GPC6: variants seen among roughly 807,000 people sequenced by gnomAD.
The protein encoded by GPC6 is glypican-6.
In GPC6, 14 loss-of-function variants were observed where a neutral mutation model predicts 55.2. The ratio of observed to expected loss-of-function variants is 0.25; its 90% CI spans 0.17 to 0.40. GPC6 has a LOEUF of 0.40. Among genes scored for constraint, GPC6 ranks in the 10% least tolerant of loss-of-function variants. The pLI is 1.00. For synonymous variants in GPC6, 278 were observed against 259.6 expected (o/e 1.07, Z -0.68); for missense variants, 641 against 708.5 (o/e 0.90, Z 1.08).
chr13:93,569,590 G>A (rs1350059274), intron 2 of GPC6, among the ~76,000 whole-genome samples: 2 of 151,892 alleles, frequency 1.3e-5, no homozygotes, highest in African/African-American at 4.8e-5. Flanking sequence ...CTCTATGGTT[G>A]TAGGTCACTG....
At position 93,851,231 on chromosome 13, in the gene GPC6, G is replaced by A. The variant is rs569631934; in HGVS notation, c.711+20686G>A. ...TCAACCTGTTTTGCTGGCAGAGCCA[G>A]ACATCTAAATCTACTATACTATGTT... is the stretch of plus-strand genomic sequence containing the variant. On this transcript the variant is annotated intron_variant, in intron 3 of 8. Transcript: ENST00000377047. 5.0e-4 allele frequency among the ~76,000 whole-genome samples: 76 copies of A among 152,100 alleles called. No individual in the cohort carries two copies. In the Middle Eastern group the frequency reaches 0.017, roughly 34 times the overall value.
At chr13:94,089,027 T>G (rs1270196746) in intron 4 of GPC6, among the ~76,000 whole-genome samples, 2 of 152,088 alleles carry the variant, frequency 1.3e-5, no homozygotes, top group Admixed American at 6.6e-5. Flanking sequence ...GCTTAATCGG[T>G]TTTATGCAGC....
chr13:93,322,584 C>T (rs1233918190), intron 1 of GPC6, among the ~76,000 whole-genome samples: 3 of 151,204 alleles, frequency 2.0e-5, no homozygotes, highest in Non-Finnish European at 3.0e-5. Flanking sequence ...TTACAGGTGC[C>T]CGCCACCATG....
chr13:94,175,203 G>T (rs1344008664), intron 4 of GPC6, among the ~76,000 whole-genome samples: 1 of 152,052 alleles, frequency 6.6e-6, no homozygotes, highest in Non-Finnish European at 1.5e-5. Flanking sequence ...TGCCTCTATT[G>T]CAGGACTGGC....
chr13:93,561,109 A>C (rs1022052026), intron 2 of GPC6, among the ~76,000 whole-genome samples: 3 of 152,188 alleles, frequency 2.0e-5, no homozygotes, highest in Non-Finnish European at 4.4e-5. Flanking sequence ...ATGACTAATG[A>C]TCTTTTTTGT....
chr13:94,128,807 A>G (rs1047423926), intron 4 of GPC6, among the ~76,000 whole-genome samples: 1 of 152,164 alleles, frequency 6.6e-6, no homozygotes, highest in African/African-American at 2.4e-5. Flanking sequence ...ATGTTAGCAT[A>G]TCTTTATTCA....
intron 7 of GPC6, among the ~76,000 whole-genome samples, chr13:94,383,899 T>A (rs1240499923): frequency 6.6e-6 from 1 of 151,938 alleles, no homozygotes; most frequent in Non-Finnish European, 1.5e-5. Context: ...GAGAGAGAAG[T>A]ACAAGTAAAG....
At chr13:93,747,548 T>C (rs1392797028) in intron 2 of GPC6, among the ~76,000 whole-genome samples, 2 of 152,210 alleles carry the variant, frequency 1.3e-5, no homozygotes, top group Non-Finnish European at 2.9e-5. Context: ...ATTCCTCAAA[T>C]GTTCTTCAGG....
chr13:94,171,742 CTTTTCA>C (rs1163940174), intron 4 of GPC6, among the ~76,000 whole-genome samples: 1 of 152,186 alleles, frequency 6.6e-6, no homozygotes, highest in East Asian at 1.9e-4. Context: ...TTTCCTAACA[CTTTTCA>C]TGGCATGTAG....
chr13:93,465,145 T>C (rs1039306834), intron 1 of GPC6, among the ~76,000 whole-genome samples: 4 of 152,228 alleles, frequency 2.6e-5, no homozygotes, highest in African/African-American at 7.2e-5. Context: ...TAGAGCACCA[T>C]CAGAGTACAT....
At chr13:93,685,676 G>A (rs967123336) in intron 2 of GPC6, among the ~76,000 whole-genome samples, 3 of 151,920 alleles carry the variant, frequency 2.0e-5, no homozygotes, top group Non-Finnish European at 4.4e-5. Context: ...GCCTGGAGTC[G>A]CTAGTTGATT....
intron 2 of GPC6, among the ~76,000 whole-genome samples, chr13:93,735,878 T>C (rs1883983416): frequency 6.6e-6 from 1 of 152,238 alleles, no homozygotes; most frequent in Non-Finnish European, 1.5e-5. Flanking sequence ...TAATTAATTC[T>C]GAAAAGTAGG....
At chr13:94,372,691 TC>T (rs1456569073) in intron 6 of GPC6, among the ~76,000 whole-genome samples, 4 of 152,144 alleles carry the variant, frequency 2.6e-5, no homozygotes, top group African/African-American at 9.7e-5. Context: ...GCCTGGAAGC[TC>T]GAACTGGGTG....
chr13:94,148,065 A>G (rs1409110241), intron 4 of GPC6, among the ~76,000 whole-genome samples: 1 of 152,192 alleles, frequency 6.6e-6, no homozygotes, highest in Non-Finnish European at 1.5e-5. Flanking sequence ...ATATATTGCC[A>G]GCTACCCTGC....
Position 93,236,134 on chromosome 13 carries a change from A to C in GPC6, c.160+8518A>C, listed in dbSNP as rs188439100. Among the ~76,000 whole-genome samples, 19 of 152,288 alleles carry C rather than the reference A, an allele frequency of 1.2e-4. No homozygotes were observed. The East Asian group carries it at 2.7e-3, about 22-fold the overall frequency. On this transcript the variant is annotated intron_variant, in intron 1 of 8. Transcript: ENST00000377047. ...AATTGCCTCCTATGCCTGTACCTAG[A>C]AGGGAAGGCAAAGGATATGGTCTTT...
At chr13:93,680,758 T>A (rs1390600338) in intron 2 of GPC6, among the ~76,000 whole-genome samples, 1 of 152,168 alleles carries the variant, frequency 6.6e-6, no homozygotes, top group Non-Finnish European at 1.5e-5. Context: ...GGCCACAAGA[T>A]CCTATGCCGT....
intron 1 of GPC6, among the ~76,000 whole-genome samples, chr13:93,316,567 A>T (rs926687351): frequency 6.6e-6 from 1 of 152,106 alleles, no homozygotes; most frequent in African/African-American, 2.4e-5. Flanking sequence ...TATACTCTAA[A>T]CTGCTATCAT....
intron 6 of GPC6, among the ~76,000 whole-genome samples, chr13:94,346,591 G>A (rs952504560): frequency 4.6e-5 from 7 of 152,020 alleles, no homozygotes; most frequent in East Asian, 3.9e-4. Flanking sequence ...GCGTAGTGGC[G>A]GGCACCTGTA....
intron 1 of GPC6, among the ~76,000 whole-genome samples, chr13:93,269,745 G>GA (rs1412796340): frequency 8.1e-5 from 11 of 135,018 alleles, no homozygotes; most frequent in Admixed American, 1.6e-4. Context: ...CTAGCACGGT[G>GA]AAACCCCATC....
Sources: gnomAD v4.1 joint callset for allele counts (sites outside exome capture counted in the v4.1 genomes callset) on GRCh38, gnomAD v4.1.1 for gene constraint, MANE v1.5 for transcripts, NCBI Gene and HGNC (gene_info 2026-07-23, HGNC 2026-07-21) for gene names.